Variants in FAM83A observed in about 807,000 individuals in gnomAD.
The protein encoded by FAM83A is protein FAM83A.
FAM83A carries 21 observed loss-of-function variants against 24.4 expected under a neutral mutation model. The observed-to-expected ratio is 0.86, with a 90% CI of 0.61 to 1.24. The LOEUF (loss-of-function observed/expected upper bound fraction) is 1.24. Among genes scored for constraint, FAM83A ranks in the 50% most tolerant of loss-of-function variants. FAM83A has a pLI of 0.00. For missense variants in FAM83A, 617 were observed against 579.8 expected, an observed-to-expected ratio of 1.06 and a Z score of -0.66; for synonymous variants, 270 against 252.4, an observed-to-expected ratio of 1.07 and a Z score of -0.66.
chr8:123,200,337 A>G (rs936452975), intron 3 of FAM83A, among the ~76,000 whole-genome samples: 3 of 152,230 alleles, frequency 2.0e-5, no homozygotes, highest in Admixed American at 1.3e-4. Flanking sequence ...TTTGAAGTAG[A>G]AAAGGAAGAA....
chr8:123,205,193 G>A (rs948903245), intron 3 of FAM83A, among the ~76,000 whole-genome samples: 2 of 152,256 alleles, frequency 1.3e-5, no homozygotes, highest in East Asian at 1.9e-4. Context: ...GCTCTGGGGC[G>A]GGGCACAGTG....
At chr8:123,197,103 G>A (rs1238585073) in intron 3 of FAM83A, among the ~76,000 whole-genome samples, 1 of 151,734 alleles carries the variant, frequency 6.6e-6, no homozygotes, top group Non-Finnish European at 1.5e-5. Context: ...CCAGTTACCT[G>A]TGGCTGGGGC....
At chr8:123,204,027 T>C (rs891126748) in intron 3 of FAM83A, among the ~76,000 whole-genome samples, 1 of 150,914 alleles carries the variant, frequency 6.6e-6, no homozygotes, top group African/African-American at 2.4e-5. Context: ...GGCGTTATGA[T>C]CACAGGATTC....
At chr8:123,188,140 G>T (rs1333825478) in intron 1 of FAM83A, among the ~76,000 whole-genome samples, 1 of 152,034 alleles carries the variant, frequency 6.6e-6, no homozygotes, top group Non-Finnish European at 1.5e-5. Flanking sequence ...CTCCCAAAGT[G>T]CTGGGATTAC....
At chr8:123,200,890 G>T (rs112813054) in intron 3 of FAM83A, among the ~76,000 whole-genome samples, 4,739 of 146,948 alleles carry the variant, frequency 0.032, 181 homozygotes, top group African/African-American at 0.094. Context: ...GGGAGGCAGA[G>T]GTTGCAGTGA....
At chr8:123,208,389 GC>G (rs1824634914) in exon 4 of FAM83A, 1 of 985,620 alleles carries the variant, frequency 1.0e-6, no homozygotes. Flanking sequence ...TCAGATTCTT[GC>G]TTCAAAGAGC....
chr8:123,188,043 A>T (rs1030081491), intron 1 of FAM83A, among the ~76,000 whole-genome samples: 33 of 145,552 alleles, frequency 2.3e-4, no homozygotes, highest in Admixed American at 4.8e-4. Flanking sequence ...TATTATTATT[A>T]TTTTTTTTTT....
At chr8:123,188,040 A>AT (rs1371677278) in intron 1 of FAM83A, among the ~76,000 whole-genome samples, 3 of 143,324 alleles carry the variant, frequency 2.1e-5, no homozygotes, top group Admixed American at 7.3e-5. Context: ...TTGTATTATT[A>AT]TTATTTTTTT....
intron 1 of FAM83A, 135 bp downstream of exon 1, chr8:123,183,471 C>A: frequency 7.4e-7 from 1 of 1,354,982 alleles, no homozygotes; most frequent in Non-Finnish European, 9.8e-7. Context: ...AGGGGCTTTG[C>A]TGTCCGCCTT....
intron 1 of FAM83A, among the ~76,000 whole-genome samples, chr8:123,190,914 C>T (rs1823952155): frequency 6.6e-6 from 1 of 152,144 alleles, no homozygotes; most frequent in Non-Finnish European, 1.5e-5. Context: ...GAAAGAACAC[C>T]TCCTTTTCCC....
At chr8:123,193,462 T>G (rs1360325360) in intron 2 of FAM83A, among the ~76,000 whole-genome samples, 1 of 152,194 alleles carries the variant, frequency 6.6e-6, no homozygotes. Context: ...TTTTTTTTGT[T>G]GCCAGCTGAT....
chr8:123,190,104 A>T (rs932588741), intron 1 of FAM83A, among the ~76,000 whole-genome samples: 10 of 152,024 alleles, frequency 6.6e-5, no homozygotes, highest in Admixed American at 3.3e-4. Flanking sequence ...AGGCTTAAGG[A>T]TTGCTTAAGC....
At chr8:123,194,370 G>A (rs918100041) in intron 3 of FAM83A, among the ~76,000 whole-genome samples, 2 of 152,122 alleles carry the variant, frequency 1.3e-5, no homozygotes, top group South Asian at 2.1e-4. Context: ...AGGTGCCTCC[G>A]TTTCCCTTGA....
rs76263545 is a variant in FAM83A, at chr8:123,196,310, C to A, written c.773+2162C>A. On this transcript the variant is annotated intron_variant, in intron 3 of 3. Transcript: ENST00000690554. ...TACAGGCATGAGCCACCGCTCCCAG[C>A]CTCATTAAAGTTTTTAAAAGTATAG... Among the ~76,000 whole-genome samples, 211 of 152,348 alleles carry A rather than the reference C, an allele frequency of 1.4e-3. 3 individuals are homozygous for A. The East Asian group carries it at 0.035, about 25-fold the overall frequency.
intron 3 of FAM83A, among the ~76,000 whole-genome samples, chr8:123,195,166 G>A (rs1176115942): frequency 6.6e-6 from 1 of 152,176 alleles, no homozygotes; most frequent in East Asian, 1.9e-4. Context: ...AGAGTGCAGA[G>A]GAGGGCAACT....
chr8:123,204,657 G>A (rs899814876), intron 3 of FAM83A, among the ~76,000 whole-genome samples: 12 of 152,068 alleles, frequency 7.9e-5, no homozygotes, highest in Non-Finnish European at 1.5e-4. Context: ...AGCTACTTGG[G>A]AGGCTGAGGC....
chr8:123,189,464 T>A (rs746638228), intron 1 of FAM83A, among the ~76,000 whole-genome samples: 63 of 152,182 alleles, frequency 4.1e-4, no homozygotes, highest in Non-Finnish European at 5.4e-4. Flanking sequence ...AGAAAGGGAA[T>A]GGCCGTATTC....
Position 123,208,274 on chromosome 8 carries a change from G to A in FAM83A, c.*586G>A, listed in dbSNP as rs190629472. 5.1e-6 allele frequency: 5 copies of A among 985,536 alleles called. No individual in the cohort carries two copies. The East Asian group carries it at 3.4e-4, about 67-fold the overall frequency. The allele number at this position is 985,536 out of a possible 1,614,324, so 61.0% of individuals were successfully genotyped here. A position where few individuals can be genotyped will look rare whatever the true frequency, so the allele number is the denominator to read the frequency against. ...AATTAGGGGTGAGGCCCCAGAACCC[G>A]TTATCTATGAGTTGTATGGGGGAGC... On this transcript the variant is annotated 3_prime_UTR_variant, in exon 4 of 4. Transcript: ENST00000690554.
At chr8:123,185,485 AC>A (rs1439048848) in intron 1 of FAM83A, among the ~76,000 whole-genome samples, 8 of 152,212 alleles carry the variant, frequency 5.3e-5, no homozygotes. Context: ...GGACCCTGAC[AC>A]CGCTGATGTC....
Sources: gnomAD v4.1 joint callset for allele counts (sites outside exome capture counted in the v4.1 genomes callset) on GRCh38, gnomAD v4.1.1 for gene constraint, MANE v1.5 for transcripts, NCBI Gene and HGNC (gene_info 2026-07-23, HGNC 2026-07-21) for gene names.